The following FAM81A variants were observed in gnomAD, a reference collection of about 807,000 sequenced individuals.
FAM81A encodes family with sequence similarity 81 member A.
A neutral mutation model predicts 46.7 loss-of-function variants in FAM81A; 19 were observed. That is an observed-to-expected ratio of 0.41 (90% CI 0.28 to 0.60). The LOEUF is 0.60. Among genes scored for constraint, FAM81A ranks in the 20% least tolerant of loss-of-function variants. The pLI is 0.34. For missense variants in FAM81A, 377 were observed against 453.5 expected, an observed-to-expected ratio of 0.83 and a Z score of 1.53; for synonymous variants, 183 against 152.9, an observed-to-expected ratio of 1.20 and a Z score of -1.45.
rs377154986 is a variant in FAM81A, at chr15:59,484,729, G to A, written c.295-7542G>A. Among the ~76,000 whole-genome samples the A allele has an allele frequency of 2.4e-4, 37 of 152,288 alleles. 1 individual carries two copies. The East Asian group carries it at 5.2e-3, about 21-fold the overall frequency. ...CTGTGAGGAGAGATTTCTTCTGCTT[G>A]AGAAAAGCAGAGGGAAAAGTAAAGG... On this transcript the variant is annotated intron_variant, in intron 3 of 8. Coordinates refer to ENST00000288228, the MANE Select transcript of FAM81A (RefSeq NM_152450.3).
intron 5 of FAM81A, among the ~76,000 whole-genome samples, chr15:59,507,654 G>A (rs535189163): frequency 6.6e-6 from 1 of 152,296 alleles, no homozygotes; most frequent in African/African-American, 2.4e-5. Context: ...GCACAAGTAA[G>A]TGATCAAGCA....
chr15:59,450,108 T>C (rs1340661886), intron 1 of FAM81A, among the ~76,000 whole-genome samples: 2 of 148,418 alleles, frequency 1.3e-5, no homozygotes, highest in South Asian at 2.1e-4. Flanking sequence ...TCTTTCTTTT[T>C]TTTTTTTTTT....
intron 4 of FAM81A, among the ~76,000 whole-genome samples, chr15:59,493,016 T>C (rs2081997476): frequency 6.6e-6 from 1 of 152,202 alleles, no homozygotes; most frequent in Admixed American, 6.5e-5. Flanking sequence ...GCTATTTTTA[T>C]CTGGCTGGGA....
chr15:59,431,337 C>T (rs4384554), intron 2 of FAM81A, among the ~76,000 whole-genome samples: 54,418 of 151,790 alleles, frequency 0.36, 10,833 homozygotes, highest in Non-Finnish European at 0.44. Context: ...TGGGTTCAAG[C>T]GATTCTCCTG....
chr15:59,462,512 T>TG (rs1417589059), intron 3 of FAM81A, among the ~76,000 whole-genome samples: 2 of 152,316 alleles, frequency 1.3e-5, no homozygotes, highest in East Asian at 3.9e-4. Flanking sequence ...TTCTTCATTG[T>TG]GGGGAAAAAA....
intron 7 of FAM81A, among the ~76,000 whole-genome samples, chr15:59,515,096 T>C (rs1391074157): frequency 6.6e-6 from 1 of 151,862 alleles, no homozygotes; most frequent in Non-Finnish European, 1.5e-5. Context: ...AACACAAAAA[T>C]TAGCTGAGCA....
intron 4 of FAM81A, among the ~76,000 whole-genome samples, chr15:59,506,532 C>A (rs2082151123): frequency 6.6e-6 from 1 of 152,206 alleles, no homozygotes; most frequent in South Asian, 2.1e-4. Context: ...CAGTAGCAAG[C>A]CAGCAGCTTC....
In FAM81A at chr15:59,427,752, G is replaced by A. The variant is rs1296780419; in HGVS notation, c.-78+25394G>A. The stretch of plus-strand genomic sequence containing the variant: ...TGACAGGATCTCATTCTTTTTTATG[G>A]CTAAATAGTATTCCATTGTGTATAG... On this transcript the variant is annotated intron_variant, in intron 2 of 4. Transcript: ENST00000558348. 2.6e-5 allele frequency among the ~76,000 whole-genome samples: 4 copies of A among 152,000 alleles called. No individual in the cohort carries two copies. In the East Asian group the frequency reaches 5.8e-4, roughly 22 times the overall value.
intron 4 of FAM81A, among the ~76,000 whole-genome samples, chr15:59,498,877 A>G (rs2082061704): frequency 6.6e-6 from 1 of 152,024 alleles, no homozygotes; most frequent in Non-Finnish European, 1.5e-5. Flanking sequence ...CTGGTCTCGA[A>G]CTCCTGACCT....
intron 2 of FAM81A, among the ~76,000 whole-genome samples, chr15:59,406,042 G>A (rs1290138699): frequency 1.3e-5 from 2 of 152,138 alleles, no homozygotes; most frequent in Admixed American, 1.3e-4. Context: ...AGAGGTGGCT[G>A]TCAATGTCCA....
At chr15:59,485,914 C>G (rs990248811) in intron 3 of FAM81A, among the ~76,000 whole-genome samples, 3 of 152,124 alleles carry the variant, frequency 2.0e-5, no homozygotes, top group Non-Finnish European at 2.9e-5. Context: ...TGCAGCGGCT[C>G]ATGCCTGTAA....
In FAM81A at chr15:59,522,018, A is replaced by G. The variant is rs2082333039; in HGVS notation, c.*640A>G. The G allele has an allele frequency of 6.6e-6, 1 of 152,668 alleles. No homozygotes were observed. The allele number at this position is 152,668 out of a possible 1,614,324, so 9.5% of individuals were successfully genotyped here. On this transcript the variant is annotated 3_prime_UTR_variant, in exon 9 of 9. Transcript: ENST00000288228. ...TGGATTGCAAATTAAATGGAAACTT[A>G]TTTAGATAACGTAAGGCTCAATATC...
At chr15:59,415,046 G>T (rs1265941581) in intron 2 of FAM81A, among the ~76,000 whole-genome samples, 2 of 151,630 alleles carry the variant, frequency 1.3e-5, no homozygotes, top group Non-Finnish European at 2.9e-5. Context: ...TTGATCTCCT[G>T]ACCTCACGAT....
intron 1 of FAM81A, among the ~76,000 whole-genome samples, chr15:59,440,936 A>G (rs1220710091): frequency 6.6e-6 from 1 of 152,158 alleles, no homozygotes; most frequent in Non-Finnish European, 1.5e-5. Flanking sequence ...TCTAGGAGGA[A>G]GTCACAAAGA....
At chr15:59,507,410 G>A in intron 5 of FAM81A, 68 bp downstream of exon 5, 1 of 1,559,544 alleles carries the variant, frequency 6.4e-7, no homozygotes, top group Non-Finnish European at 8.7e-7. Flanking sequence ...ACATGGTGTT[G>A]ATTATTTCTT....
At chr15:59,516,933 C>A in intron 8 of FAM81A, 93 bp downstream of exon 8, 2 of 1,186,742 alleles carry the variant, frequency 1.7e-6, no homozygotes, top group Non-Finnish European at 2.3e-6. Flanking sequence ...ATGAACCTGG[C>A]TAATGGTAAT....
chr15:59,467,109 G>A (rs1040038660), intron 3 of FAM81A, among the ~76,000 whole-genome samples: 87 of 152,318 alleles, frequency 5.7e-4, no homozygotes, highest in African/African-American at 2.0e-3. Flanking sequence ...GGTTACTGTA[G>A]CCTTGTAGGA....
chr15:59,411,079 C>T (rs2081118481), intron 2 of FAM81A, among the ~76,000 whole-genome samples: 1 of 152,112 alleles, frequency 6.6e-6, no homozygotes, highest in Non-Finnish European at 1.5e-5. Flanking sequence ...GATTTTACAC[C>T]AGGCTTTTCA....
chr15:59,469,776 T>G (rs1445911494), intron 3 of FAM81A, among the ~76,000 whole-genome samples: 1 of 152,234 alleles, frequency 6.6e-6, no homozygotes, highest in Non-Finnish European at 1.5e-5. Flanking sequence ...CACTGGTTAT[T>G]TTGCCCGTTA....
Sources: allele counts gnomAD v4.1 joint callset (sites outside exome capture counted in the v4.1 genomes callset), GRCh38; gene constraint gnomAD v4.1.1; transcripts MANE v1.5; gene names NCBI Gene and HGNC (gene_info 2026-07-23, HGNC 2026-07-21).